Variants in ABLIM3 observed in about 807,000 individuals in gnomAD.
The protein encoded by ABLIM3 is actin binding LIM protein family member 3.
ABLIM3 carries 61 observed loss-of-function variants against 109.5 expected under a neutral mutation model. That is an observed-to-expected ratio of 0.56 (90% CI 0.45 to 0.69). ABLIM3 has a LOEUF of 0.69. Among genes scored for constraint, ABLIM3 ranks in the 30% least tolerant of loss-of-function variants. The probability of loss-of-function intolerance (pLI) is 0.00; values close to 1 mark genes in which losing one functional copy is unlikely to be tolerated. For synonymous variants in ABLIM3, 300 were observed against 324.8 expected (o/e 0.92, Z 0.82); for missense variants, 796 against 889.5 (o/e 0.89, Z 1.34).
At position 149,259,118 on chromosome 5, in the gene ABLIM3, GC is replaced by G. The variant is rs1235018791; in HGVS notation, c.*718del. The G allele has an allele frequency of 9.9e-7, 1 of 1,013,162 alleles. No individual in the cohort carries two copies. The highest frequency in any genetic ancestry group is 1.2e-6 in the Non-Finnish European group (1 of 847,220). The allele number at this position is 1,013,162 out of a possible 1,614,324, so 62.8% of individuals were successfully genotyped here. A position where few individuals can be genotyped will look rare whatever the true frequency, so the allele number is the denominator to read the frequency against. Reference sequence around the variant, plus strand: ...CCCTTCCCTCCACCACTTCCAACTGGCCCCTTTGCCTGACCTGGACTTGGAG... The same window carrying G: ...CCCTTCCCTCCACCACTTCCAACTGGCCCTTTGCCTGACCTGGACTTGGAG... On this transcript the variant is annotated 3_prime_UTR_variant, in exon 24 of 24. Coordinates refer to ENST00000309868, the MANE Select transcript of ABLIM3 (RefSeq NM_014945.5).
Position 149,246,428 on chromosome 5 carries a change from G to A in ABLIM3, c.1487-54G>A, listed in dbSNP as rs912793733. Reference sequence around the variant, plus strand: ...CTTTTTTAAAAAAAAAATGCCTTAAGCCAGGCTGAGTGGGGTGCACATGCC... The same window carrying A: ...CTTTTTTAAAAAAAAAATGCCTTAAACCAGGCTGAGTGGGGTGCACATGCC... On this transcript the variant is annotated intron_variant, in intron 16 of 23. Transcript: ENST00000309868. 1.3e-5 allele frequency: 20 copies of A among 1,557,434 alleles called. No homozygotes were observed. The East Asian group carries it at 4.1e-4, about 32-fold the overall frequency.
At chr5:149,210,140 C>T (rs1033475519) in intron 6 of ABLIM3, among the ~76,000 whole-genome samples, 1 of 152,156 alleles carries the variant, frequency 6.6e-6, no homozygotes, top group African/African-American at 2.4e-5. Flanking sequence ...GGCCATTCCT[C>T]CAGCTGCCAT....
intron 2 of ABLIM3, among the ~76,000 whole-genome samples, chr5:149,168,796 A>T (rs553834248): frequency 1.3e-5 from 2 of 152,336 alleles, no homozygotes; most frequent in Admixed American, 6.5e-5. Context: ...AGATATCAAG[A>T]TTTCTAAAAT....
intron 22 of ABLIM3, chr5:149,252,492 T>C (rs1355555831): frequency 1.8e-6 from 1 of 552,616 alleles, no homozygotes. Flanking sequence ...CGGGAGGTCA[T>C]GTGCCCATAT....
intron 18 of ABLIM3, among the ~76,000 whole-genome samples, chr5:149,248,589 G>C (rs1753619665): frequency 6.6e-6 from 1 of 150,960 alleles, no homozygotes; most frequent in Non-Finnish European, 1.5e-5. Flanking sequence ...TACTCGGGAG[G>C]CTGAGGCAGG....
rs188338697 is a variant in ABLIM3, at chr5:149,190,869, A to C, written c.151+7280A>C. ...AAGATGGCATGGTTAGCAAAATCTT[A>C]ATGAAAATCAGAAAACTCTTGAAAC... On this transcript the variant is annotated intron_variant, in intron 3 of 23. Transcript: ENST00000309868. Among the ~76,000 whole-genome samples the C allele has an allele frequency of 3.2e-3, 495 of 152,322 alleles. 4 individuals carry two copies. The highest frequency in any genetic ancestry group is 0.011 in the African/African-American group (468 of 41,574).
Position 149,259,072 on chromosome 5 carries a change from T to C in ABLIM3, c.*668T>C, listed in dbSNP as rs931438021. On this transcript the variant is annotated 3_prime_UTR_variant, in exon 24 of 24. Coordinates refer to ENST00000309868, the MANE Select transcript of ABLIM3 (RefSeq NM_014945.5). ...CCTTGTCCAAATCTAGGATTCCTGG[T>C]AGGAAAAGGAAAAGGCCCTTCCCTT... The C allele has an allele frequency of 7.0e-6, 7 of 1,006,722 alleles. No homozygotes were observed. Among genetic ancestry groups the C allele is most frequent in the Non-Finnish European group, 8.3e-6 (7 of 842,862 alleles). The allele number at this position is 1,006,722 out of a possible 1,614,324, so 62.4% of individuals were successfully genotyped here. A position where few individuals can be genotyped will look rare whatever the true frequency, so the allele number is the denominator to read the frequency against.
chr5:149,237,546 T>C lies in ABLIM3; in HGVS notation c.987T>C (p.Tyr329=), dbSNP rs772175512. 1 of 1,614,230 alleles carries C rather than the reference T, an allele frequency of 6.2e-7. No homozygotes were observed. Among genetic ancestry groups the C allele is most frequent in the Non-Finnish European group, 8.5e-7 (1 of 1,180,054 alleles). Residue 329 remains tyrosine (Y), a synonymous_variant, in exon 11 of 24, where the codon TAT becomes TAC. Transcript: ENST00000309868. ...TACAACGCCCCGACCTCATTTCCTA[T>C]GAGCCTCATTCCAGATACATGTCCG... is the stretch of plus-strand genomic sequence containing the variant. The part of the protein sequence containing the change: ...YEVQRPDLIS[Y]EPHSRYMSDE...
chr5:149,244,570 C>T (rs1009723055), intron 15 of ABLIM3: 8 of 378,032 alleles, frequency 2.1e-5, no homozygotes, highest in Middle Eastern at 7.7e-4. Context: ...CTGGAACAGA[C>T]CTGGGAATCC....
intron 18 of ABLIM3, 121 bp from the exon 19 acceptor site, chr5:149,249,694 C>T: frequency 2.5e-6 from 3 of 1,186,258 alleles, no homozygotes; most frequent in East Asian, 2.4e-5. Context: ...GCAGGAGGCC[C>T]CTTTTCCCAG....
intron 18 of ABLIM3, among the ~76,000 whole-genome samples, chr5:149,248,689 C>CAAAAAAAA (rs10659679): frequency 1.3e-5 from 1 of 78,988 alleles, no homozygotes; most frequent in African/African-American, 5.2e-5. Context: ...GACTCTCTCT[C>CAAAAAAAA]AAAAAAAAAA....
chr5:149,240,820 T>G, intron 14 of ABLIM3, 46 bp downstream of exon 14: 1 of 1,570,212 alleles, frequency 6.4e-7, no homozygotes, highest in Non-Finnish European at 8.8e-7. Flanking sequence ...GCATGCTCCA[T>G]GGGGTCACAG....
At chr5:149,212,525 C>T (rs1332353297) in intron 7 of ABLIM3, among the ~76,000 whole-genome samples, 1 of 152,060 alleles carries the variant, frequency 6.6e-6, no homozygotes, top group African/African-American at 2.4e-5. Context: ...CCTGCGTGAC[C>T]CAGGCAGGAA....
intron 15 of ABLIM3, chr5:149,243,620 G>A (rs953642500): frequency 3.3e-5 from 5 of 152,482 alleles, no homozygotes; most frequent in East Asian, 3.8e-4. Context: ...TGAGCAGGGG[G>A]GTCCGAGGTG....
intron 5 of ABLIM3, among the ~76,000 whole-genome samples, chr5:149,205,438 G>A (rs1758879223): frequency 6.6e-6 from 1 of 152,106 alleles, no homozygotes; most frequent in South Asian, 2.1e-4. Flanking sequence ...GGCCCTGCTG[G>A]GGAGGCCCAC....
At chr5:149,174,742 G>A (rs1419222197) in intron 2 of ABLIM3, 1 of 152,168 alleles carries the variant, frequency 6.6e-6, no homozygotes, top group Non-Finnish European at 1.5e-5. Flanking sequence ...GAGGAGATGA[G>A]AAGAAATTGA....
intron 17 of ABLIM3, among the ~76,000 whole-genome samples, chr5:149,247,267 T>C (rs894176327): frequency 6.6e-6 from 1 of 152,112 alleles, no homozygotes; most frequent in African/African-American, 2.4e-5. Context: ...AGACAGAACA[T>C]AGATTGCTGG....
At position 149,203,447 on chromosome 5, in the gene ABLIM3, C is replaced by A. The variant is rs576035016; in HGVS notation, c.448+3019C>A. 3.0e-3 allele frequency among the ~76,000 whole-genome samples: 458 copies of A among 152,204 alleles called. 3 individuals are homozygous for A. Among genetic ancestry groups the A allele is most frequent in the African/African-American group, 0.01 (430 of 41,502 alleles). ...ACTGCTACCACCATCATCACCATCA[C>A]CTTCTCCACCATCGTCACCATCATC... On this transcript the variant is annotated intron_variant, in intron 5 of 23. Transcript: ENST00000309868.
intron 2 of ABLIM3, among the ~76,000 whole-genome samples, chr5:149,171,805 C>T (rs950729469): frequency 9.2e-5 from 14 of 152,302 alleles, no homozygotes; most frequent in Admixed American, 9.2e-4. Context: ...CCATGCCTTC[C>T]CAATCTCAAA....
Sources: gnomAD v4.1 joint callset for allele counts (sites outside exome capture counted in the v4.1 genomes callset) on GRCh38, gnomAD v4.1.1 for gene constraint, MANE v1.5 for transcripts, NCBI Gene and HGNC (gene_info 2026-07-23, HGNC 2026-07-21) for gene names.